The following RPS6KC1 variants were observed in gnomAD, a reference collection of about 807,000 sequenced individuals.
RPS6KC1 encodes inactive ribosomal protein S6 kinase delta-1.
In RPS6KC1, 54 loss-of-function variants were observed where a neutral mutation model predicts 103.8. That is an observed-to-expected ratio of 0.52 (90% confidence interval 0.42 to 0.65). The LOEUF is 0.65. RPS6KC1 is among the 30% of genes least tolerant of loss of function. The probability of loss-of-function intolerance (pLI) is 0.00; values close to 1 mark genes in which losing one functional copy is unlikely to be tolerated. For synonymous variants in RPS6KC1, 439 were observed against 438.7 expected, an observed-to-expected ratio of 1.00 and a Z score of -0.01; for missense variants, 1,151 against 1,253.8, an observed-to-expected ratio of 0.92 and a Z score of 1.24.
chr1:213,428,531 T>TTC, the RPS6KC1 span, among the ~76,000 whole-genome samples: 159 of 120,408 alleles, frequency 1.3e-3, 2 homozygotes, highest in African/African-American at 4.2e-3. Context: ...TTTCTCTCTC[T>TTC]CTCTCTCTCT....
the RPS6KC1 span, among the ~76,000 whole-genome samples, chr1:213,609,595 G>A: frequency 6.6e-5 from 10 of 152,040 alleles, no homozygotes; most frequent in East Asian, 1.9e-3. Context: ...TGAATTCCAG[G>A]GAATTCCAGG....
chr1:213,392,588 C>A, the RPS6KC1 span, among the ~76,000 whole-genome samples: 1 of 152,208 alleles, frequency 6.6e-6, no homozygotes, highest in South Asian at 2.1e-4. Flanking sequence ...GGCATCAACT[C>A]ATGAACTTCT....
intron 5 of RPS6KC1, among the ~76,000 whole-genome samples, chr1:213,127,661 A>T (rs1367194820): frequency 6.6e-6 from 1 of 152,198 alleles, no homozygotes; most frequent in African/African-American, 2.4e-5. Flanking sequence ...AAAACAACTG[A>T]TATTATTTGT....
the RPS6KC1 span, among the ~76,000 whole-genome samples, chr1:213,355,604 A>T: frequency 6.6e-6 from 1 of 152,226 alleles, no homozygotes. Context: ...TTTTTAAAAA[A>T]ATTATGAAAG....
chr1:213,197,721 GT>G (rs1192053139), intron 8 of RPS6KC1, among the ~76,000 whole-genome samples: 3 of 152,058 alleles, frequency 2.0e-5, no homozygotes, highest in African/African-American at 7.2e-5. Flanking sequence ...AGTCTTTAGG[GT>G]TTTCTAGGTA....
At chr1:213,409,164 C>T in the RPS6KC1 span, among the ~76,000 whole-genome samples, 14 of 152,202 alleles carry the variant, frequency 9.2e-5, no homozygotes, top group Non-Finnish European at 1.0e-4. Flanking sequence ...CAGGGCAGGT[C>T]CCACGCTTGT....
the RPS6KC1 span, among the ~76,000 whole-genome samples, chr1:213,494,720 G>A: frequency 3.0e-4 from 46 of 152,084 alleles, no homozygotes; most frequent in Non-Finnish European, 1.6e-4. Flanking sequence ...CTTTGAAGTA[G>A]AGGACAGAAT....
the RPS6KC1 span, among the ~76,000 whole-genome samples, chr1:213,804,182 A>AAC: frequency 1.3e-5 from 2 of 149,530 alleles, no homozygotes; most frequent in South Asian, 2.1e-4. Context: ...TTAAAAAAAA[A>AAC]AAAAAAAAAA....
At chr1:213,290,040 A>G in the RPS6KC1 span, among the ~76,000 whole-genome samples, 3 of 151,312 alleles carry the variant, frequency 2.0e-5, no homozygotes, top group Non-Finnish European at 4.4e-5. Context: ...CTCAGTCTCC[A>G]AGGCTGAGGC....
intron 6 of RPS6KC1, among the ~76,000 whole-genome samples, chr1:213,144,455 G>T (rs1318555741): frequency 1.3e-5 from 2 of 151,872 alleles, no homozygotes; most frequent in Non-Finnish European, 1.5e-5. Context: ...ATCTTACTAT[G>T]TTGCCTAGGC....
intron 4 of RPS6KC1, among the ~76,000 whole-genome samples, chr1:213,113,572 C>G (rs1163059916): frequency 6.6e-6 from 1 of 151,258 alleles, no homozygotes; most frequent in Non-Finnish European, 1.5e-5. Flanking sequence ...AATTAGATCC[C>G]ATTTGTCAAT....
chr1:213,073,361 A>G (rs1419999851), intron 2 of RPS6KC1, among the ~76,000 whole-genome samples: 1 of 152,328 alleles, frequency 6.6e-6, no homozygotes, highest in East Asian at 1.9e-4. Context: ...TTTTTCTTTT[A>G]TATATACCTT....
the RPS6KC1 span, among the ~76,000 whole-genome samples, chr1:213,718,170 T>G: frequency 6.6e-6 from 1 of 152,264 alleles, no homozygotes; most frequent in Non-Finnish European, 1.5e-5. Context: ...TTTCTCTATT[T>G]AACACACACT....
chr1:213,598,067 G>A, the RPS6KC1 span, among the ~76,000 whole-genome samples: 1 of 152,136 alleles, frequency 6.6e-6, no homozygotes, highest in Non-Finnish European at 1.5e-5. Context: ...TGCAAGTAAT[G>A]TAAATACATA....
the RPS6KC1 span, among the ~76,000 whole-genome samples, chr1:213,394,948 T>A: frequency 2.0e-5 from 3 of 152,222 alleles, no homozygotes; most frequent in African/African-American, 7.2e-5. Context: ...AGTGGCACTG[T>A]GGAACTTATT....
intron 8 of RPS6KC1, among the ~76,000 whole-genome samples, chr1:213,187,491 C>T (rs567827258): frequency 9.3e-4 from 141 of 152,138 alleles, no homozygotes; most frequent in African/African-American, 3.2e-3. Context: ...AGTGATCCAC[C>T]TGCCTCGGCC....
the RPS6KC1 span, among the ~76,000 whole-genome samples, chr1:213,540,048 C>T: frequency 3.3e-5 from 5 of 151,818 alleles, no homozygotes; most frequent in Non-Finnish European, 5.9e-5. Flanking sequence ...AGGGTCTTGC[C>T]TCAGTATTGA....
chr1:213,205,568 T>TATATATATATATATATATATA (rs1553378518), intron 8 of RPS6KC1, among the ~76,000 whole-genome samples: 4 of 47,670 alleles, frequency 8.4e-5, no homozygotes, highest in Admixed American at 3.2e-4. Context: ...ATATATATAT[T>TATATATATATATATATATATA]TCAAAAGAAT....
chr1:213,290,728 A>G, the RPS6KC1 span, among the ~76,000 whole-genome samples: 44 of 152,286 alleles, frequency 2.9e-4, no homozygotes, highest in African/African-American at 1.0e-3. Flanking sequence ...GCTCCAAAGT[A>G]AGAGCCTGGT....
Sources: allele counts gnomAD v4.1 joint callset (sites outside exome capture counted in the v4.1 genomes callset), GRCh38; gene constraint gnomAD v4.1.1; transcripts MANE v1.5; gene names NCBI Gene and HGNC (gene_info 2026-07-23, HGNC 2026-07-21).